Variants in MOB1A observed in about 807,000 individuals in gnomAD.
MOB1A encodes the protein MOB1 Mps One Binder homolog A.
In MOB1A, 10 loss-of-function variants were observed where a neutral mutation model predicts 25.1. That is an observed-to-expected ratio of 0.40 (90% CI 0.25 to 0.68). The LOEUF is 0.68. Ranked by LOEUF, MOB1A falls within the 30% of genes least tolerant of loss-of-function variation. The pLI, the probability that MOB1A is intolerant of heterozygous loss-of-function variation, is 0.40. For missense variants in MOB1A, 177 were observed against 256.3 expected (o/e 0.69, Z 2.11); for synonymous variants, 81 against 79.5 (o/e 1.02, Z -0.10).
chr2:74,156,717 G>T, intron 5 of MOB1A, 72 bp from the exon 6 acceptor site: 1 of 1,103,022 alleles, frequency 9.1e-7, no homozygotes, highest in South Asian at 1.4e-5. Flanking sequence ...TTTTGGAGAA[G>T]GGATTCCCAA....
At chr2:74,160,901 A>C (rs1391696547) in intron 4 of MOB1A, among the ~76,000 whole-genome samples, 1 of 151,964 alleles carries the variant, frequency 6.6e-6, no homozygotes, top group Non-Finnish European at 1.5e-5. Flanking sequence ...TCTACTAAAA[A>C]TACAAAAATT....
Position 74,178,756 on chromosome 2 carries a change from T to G in MOB1A, c.-82A>C. 3.5e-6 allele frequency: 2 copies of G among 563,742 alleles called. No homozygotes were observed. The highest frequency in any genetic ancestry group is 2.5e-6 in the Non-Finnish European group (1 of 392,610). The allele number at this position is 563,742 out of a possible 1,614,324, so 34.9% of individuals were successfully genotyped here. A position where few individuals can be genotyped will look rare whatever the true frequency, so the allele number is the denominator to read the frequency against. ...GGAGCTGGCTAGAGGGAGCGGACCGTCCTTAGCTCACGGGCAGCGGAAGCC... is the reference window on the plus strand; with the variant it reads ...GGAGCTGGCTAGAGGGAGCGGACCGGCCTTAGCTCACGGGCAGCGGAAGCC... On this transcript the variant is annotated 5_prime_UTR_variant, in exon 1 of 6. Coordinates refer to ENST00000396049, the MANE Select transcript of MOB1A (RefSeq NM_018221.5).
At chr2:74,167,236 A>G (rs1693155787) in intron 2 of MOB1A, 129 bp from the exon 3 acceptor site, 1 of 656,778 alleles carries the variant, frequency 1.5e-6, no homozygotes, top group African/African-American at 1.8e-5. Context: ...TAATCCAATG[A>G]TACTGTAACT....
At chr2:74,164,597 A>C (rs1443311904) in intron 4 of MOB1A, 1 of 152,196 alleles carries the variant, frequency 6.6e-6, no homozygotes, top group Non-Finnish European at 1.5e-5. Flanking sequence ...TCTAATTGTT[A>C]TATTAAAATC....
rs1380890344 is a variant in MOB1A at position 74,152,819 on chromosome 2, TAAG to T, written c.*3746_*3748del. 3.9e-5 allele frequency: 6 copies of T among 152,222 alleles called. No homozygotes were observed. The highest frequency in any genetic ancestry group is 7.3e-5 in the Non-Finnish European group (5 of 68,036). 9.4% of individuals were successfully genotyped at this position (152,222 alleles called of 1,614,324 possible). On this transcript the variant is annotated 3_prime_UTR_variant, in exon 6 of 6. Coordinates refer to ENST00000396049, the MANE Select transcript of MOB1A (RefSeq NM_018221.5). ...TGTAGAATAGAATGCTGTTCTATAA[TAAG>T]AAGTCTGTAGCACACTGGTAATCCA...
chr2:74,162,052 A>C (rs1692988486), intron 4 of MOB1A, among the ~76,000 whole-genome samples: 1 of 152,236 alleles, frequency 6.6e-6, no homozygotes, highest in Non-Finnish European at 1.5e-5. Context: ...ATGTGCATAT[A>C]TTAGTAAAAA....
intron 2 of MOB1A, among the ~76,000 whole-genome samples, chr2:74,172,184 T>G (rs539685488): frequency 1.1e-4 from 16 of 152,328 alleles, no homozygotes; most frequent in African/African-American, 3.8e-4. Flanking sequence ...CAACTGTCCA[T>G]ATGAACTGCA....
chr2:74,172,534 G>C (rs1211956603), intron 2 of MOB1A, 52 bp downstream of exon 2: 2 of 1,546,486 alleles, frequency 1.3e-6, no homozygotes, highest in Non-Finnish European at 1.8e-6. Flanking sequence ...TTAACAAAGA[G>C]ATTTTAGCAA....
At position 74,178,669 on chromosome 2, in the gene MOB1A, G is replaced by A; in HGVS notation, c.6C>T (p.Ser2=). The A allele has an allele frequency of 7.3e-7, 1 of 1,363,616 alleles. No homozygotes were observed. The highest frequency in any genetic ancestry group is 9.5e-7 in the Non-Finnish European group (1 of 1,053,642). The allele number at this position is 1,363,616 out of a possible 1,614,324, so 84.5% of individuals were successfully genotyped here. A position where few individuals can be genotyped will look rare whatever the true frequency, so the allele number is the denominator to read the frequency against. Residue 2 remains serine (S), a synonymous_variant, in exon 1 of 6, where the codon AGC becomes AGT. Transcript: ENST00000396049. ...GGCCCGACCCCACTCACAAGAGGAAGCTCATCTTCGGTCCTCAGAGGGGAG... is the reference window on the plus strand; with the variant it reads ...GGCCCGACCCCACTCACAAGAGGAAACTCATCTTCGGTCCTCAGAGGGGAG... M[S]FLFSSRSSKT...
chr2:74,161,807 T>C (rs904114759), intron 4 of MOB1A, among the ~76,000 whole-genome samples: 11 of 151,806 alleles, frequency 7.2e-5, no homozygotes, highest in Admixed American at 7.2e-4. Flanking sequence ...AATTGAAAAT[T>C]AGCTGGGCGT....
At chr2:74,169,609 T>A (rs1358878065) in intron 2 of MOB1A, among the ~76,000 whole-genome samples, 1 of 152,032 alleles carries the variant, frequency 6.6e-6, no homozygotes. Context: ...TTCTCAATAA[T>A]TTTTTTTGTA....
intron 1 of MOB1A, chr2:74,178,104 C>A (rs536169342): frequency 1.3e-5 from 2 of 152,300 alleles, no homozygotes; most frequent in South Asian, 4.1e-4. Context: ...ATTAAAAACA[C>A]AGGATTCTAC....
chr2:74,174,251 C>T (rs1369555678), intron 1 of MOB1A, among the ~76,000 whole-genome samples: 5 of 128,960 alleles, frequency 3.9e-5, no homozygotes, highest in East Asian at 4.5e-4. Context: ...AGCTTGGCAA[C>T]AGAGTGAGAC....
intron 1 of MOB1A, among the ~76,000 whole-genome samples, chr2:74,177,536 T>C (rs1012380994): frequency 1.3e-5 from 2 of 152,166 alleles, no homozygotes; most frequent in African/African-American, 4.8e-5. Context: ...ACCATTCATT[T>C]ACGAGAATAA....
In MOB1A at chr2:74,156,375, T is replaced by C; in HGVS notation, c.*193A>G. The C allele has an allele frequency of 1.7e-6, 1 of 584,990 alleles. No individual in the cohort carries two copies. Among genetic ancestry groups the C allele is most frequent in the South Asian group, 2.1e-5 (1 of 48,180 alleles). 36.2% of individuals were successfully genotyped at this position (584,990 alleles called of 1,614,324 possible). A position where few individuals can be genotyped will look rare whatever the true frequency, so the allele number is the denominator to read the frequency against. On this transcript the variant is annotated 3_prime_UTR_variant, in exon 6 of 6. Coordinates refer to ENST00000396049, the MANE Select transcript of MOB1A (RefSeq NM_018221.5). ...GGTCACACAGTACTTAAGATTTGGC[T>C]GTGTCCTTAAGGTCTTACTCGGAAA...
At chr2:74,156,761 A>C in intron 5 of MOB1A, 116 bp from the exon 6 acceptor site, 1 of 709,146 alleles carries the variant, frequency 1.4e-6, no homozygotes, top group Non-Finnish European at 2.4e-6. Flanking sequence ...GAATGATGAA[A>C]TAACCTCTGT....
intron 4 of MOB1A, chr2:74,164,121 A>T (rs1224668003): frequency 6.6e-6 from 1 of 152,226 alleles, no homozygotes; most frequent in Non-Finnish European, 1.5e-5. Context: ...TGTTGTGCAC[A>T]TAAGATAATC....
chr2:74,167,120 T>C lies in MOB1A; in HGVS notation c.182-13A>G, dbSNP rs569448806. On this transcript the variant is annotated splice_polypyrimidine_tract_variant and intron_variant, in intron 2 of 5. Transcript: ENST00000396049. Reference sequence around the variant, plus strand: ...AAGAAATCCACAGCTGCAGAGATAATAGAATTGTGTCAAAATGTCTGTGTA... The same window carrying C: ...AAGAAATCCACAGCTGCAGAGATAACAGAATTGTGTCAAAATGTCTGTGTA... 14 of 1,601,392 alleles carry C rather than the reference T, an allele frequency of 8.7e-6. No homozygotes were observed. The highest frequency in any genetic ancestry group is 2.2e-5 in the East Asian group (1 of 44,822).
chr2:74,176,353 C>A (rs373938834), intron 1 of MOB1A, among the ~76,000 whole-genome samples: 7 of 125,070 alleles, frequency 5.6e-5, no homozygotes, highest in Middle Eastern at 4.1e-3. Flanking sequence ...AAGTTTTTAA[C>A]ATGATAAAAA....
Sources: allele counts gnomAD v4.1 joint callset (sites outside exome capture counted in the v4.1 genomes callset), GRCh38; gene constraint gnomAD v4.1.1; transcripts MANE v1.5; gene names NCBI Gene and HGNC (gene_info 2026-07-23, HGNC 2026-07-21).